CPT1A: variants seen among roughly 807,000 people sequenced by gnomAD.
CPT1A encodes the protein carnitine O-palmitoyltransferase 1, liver isoform.
In CPT1A, 64 loss-of-function variants were observed where a neutral mutation model predicts 100.8. The ratio of observed to expected loss-of-function variants is 0.63; its 90% CI spans 0.52 to 0.78. The LOEUF is 0.78. Ranked by LOEUF, CPT1A falls within the 30% of genes least tolerant of loss-of-function variation. CPT1A has a pLI of 0.00. For synonymous variants in CPT1A, 363 were observed against 396.0 expected, an observed-to-expected ratio of 0.92 and a Z score of 0.99; for missense variants, 802 against 1,034.1, an observed-to-expected ratio of 0.78 and a Z score of 3.08.
At chr11:68,758,347 G>T (rs1946733762) in intron 18 of CPT1A, among the ~76,000 whole-genome samples, 1 of 152,300 alleles carries the variant, frequency 6.6e-6, no homozygotes, top group South Asian at 2.1e-4. Flanking sequence ...CAGCGACAGT[G>T]GCATGGGTTG....
Position 68,785,947 on chromosome 11 carries a change from G to A in CPT1A, c.968-937C>T, listed in dbSNP as rs530608135. On this transcript the variant is annotated intron_variant, in intron 9 of 18. Coordinates refer to ENST00000265641, the MANE Select transcript of CPT1A (RefSeq NM_001876.4). ...AGCTTAAACATCACAGAAATGTGAT[G>A]AAGTACGTTCACTCCACGAATATTT... The A allele has an allele frequency of 3.3e-4, 226 of 694,508 alleles. 3 individuals are homozygous for A. In the South Asian group the frequency reaches 3.3e-3, roughly 10 times the overall value. The allele number at this position is 694,508 out of a possible 1,614,324, so 43.0% of individuals were successfully genotyped here.
chr11:68,766,661 A>G, intron 14 of CPT1A, among the ~76,000 whole-genome samples: 1 of 151,342 alleles, frequency 6.6e-6, no homozygotes, highest in South Asian at 2.1e-4. Flanking sequence ...AATTTTTTGC[A>G]TTTTTTGGTA....
intron 14 of CPT1A, among the ~76,000 whole-genome samples, chr11:68,764,743 C>T (rs1594319611): frequency 2.0e-5 from 3 of 152,208 alleles, no homozygotes; most frequent in Admixed American, 2.0e-4. Flanking sequence ...CAGAAGGAAG[C>T]GTCCAGAACC....
rs775514748 is a variant in CPT1A, at chr11:68,762,713, A to G, written c.1789T>C (p.Phe597Leu). 6.2e-7 allele frequency: 1 copy of G among 1,614,096 alleles called. No individual in the cohort carries two copies. The highest frequency in any genetic ancestry group is 1.7e-5 in the Admixed American group (1 of 60,024). Reference protein sequence around the residue: ...LTYEASMTRLFREGRTETVRS... With the variant: ...LTYEASMTRLLREGRTETVRS... ...ACGGTCTCCGTCCTCCCCTCTCGGAAGAGCCGGGTCATGGAGGCCTCGTAT... is the reference window on the plus strand; with the variant it reads ...ACGGTCTCCGTCCTCCCCTCTCGGAGGAGCCGGGTCATGGAGGCCTCGTAT... Residue 597 changes from phenylalanine (F) to leucine (L), a missense_variant, in exon 15 of 19, where the codon TTC (phenylalanine) becomes CTC (leucine). Physicochemically the swap from Phe to Leu is conservative, Grantham distance 22. Transcript: ENST00000265641.
rs550915708 is a variant in CPT1A, at chr11:68,756,156, C to A, written c.*1488G>T. 2.7e-5 allele frequency: 4 copies of A among 148,780 alleles called. No homozygotes were observed. Among genetic ancestry groups the A allele is most frequent in the Admixed American group, 6.7e-5 (1 of 14,920 alleles). The allele number at this position is 148,780 out of a possible 1,614,324, so 9.2% of individuals were successfully genotyped here. A position where few individuals can be genotyped will look rare whatever the true frequency, so the allele number is the denominator to read the frequency against. Reference sequence around the variant, plus strand: ...AAAGGCACGTGTTCTCCGGCAAGCACCTTCCATCGACTCCAACAGTTCAGC... The same window carrying A: ...AAAGGCACGTGTTCTCCGGCAAGCAACTTCCATCGACTCCAACAGTTCAGC... On this transcript the variant is annotated 3_prime_UTR_variant, in exon 19 of 19. Transcript: ENST00000265641.
chr11:68,834,663 C>T (rs1856964791), intron 1 of CPT1A, among the ~76,000 whole-genome samples: 1 of 152,034 alleles, frequency 6.6e-6, no homozygotes, highest in African/African-American at 2.4e-5. Context: ...ATCACTCGAG[C>T]CCAGGAGTTT....
chr11:68,826,948 G>A (rs527472152), intron 1 of CPT1A, among the ~76,000 whole-genome samples: 3 of 152,210 alleles, frequency 2.0e-5, no homozygotes, highest in East Asian at 1.9e-4. Flanking sequence ...ATGGGCAGAC[G>A]ACAAGCCCAG....
chr11:68,830,790 G>A (rs1019666769), intron 1 of CPT1A, among the ~76,000 whole-genome samples: 1 of 152,148 alleles, frequency 6.6e-6, no homozygotes, highest in African/African-American at 2.4e-5. Context: ...CACTTTAGGG[G>A]GCAGCCCACG....
chr11:68,843,346 A>G (rs1857195443), upstream of CPT1A, among the ~76,000 whole-genome samples: 1 of 151,130 alleles, frequency 6.6e-6, no homozygotes, highest in Non-Finnish European at 1.5e-5. The surrounding 1 kb of genome is among the most constrained non-coding windows in gnomAD (Gnocchi z 4.0). Context: ...CCATTGGACA[A>G]TTAGGGCCTC....
chr11:68,777,637 C>T (rs1488635826), intron 12 of CPT1A, among the ~76,000 whole-genome samples: 1 of 152,192 alleles, frequency 6.6e-6, no homozygotes, highest in Non-Finnish European at 1.5e-5. Flanking sequence ...ACTACTTCTA[C>T]GTGCCCACCC....
At chr11:68,773,120 CG>C (rs2153996757) in intron 14 of CPT1A, 144 bp downstream of exon 14, 2 of 1,472,272 alleles carry the variant, frequency 1.4e-6, no homozygotes, top group South Asian at 2.6e-5. Context: ...CAACGCCACC[CG>C]GCCCCCGGAG....
At chr11:68,833,697 G>A (rs966507378) in intron 1 of CPT1A, among the ~76,000 whole-genome samples, 6 of 151,800 alleles carry the variant, frequency 4.0e-5, no homozygotes, top group Non-Finnish European at 7.4e-5. Context: ...TCCCACCACC[G>A]CACTCCAGCC....
chr11:68,837,476 A>G (rs1318308754), intron 1 of CPT1A, among the ~76,000 whole-genome samples: 5 of 152,146 alleles, frequency 3.3e-5, no homozygotes, highest in African/African-American at 1.2e-4. Flanking sequence ...CACTGCAGAG[A>G]GCTAGCAGCT....
intron 14 of CPT1A, among the ~76,000 whole-genome samples, chr11:68,769,642 T>G (rs935663737): frequency 6.6e-6 from 1 of 152,116 alleles, no homozygotes; most frequent in Non-Finnish European, 1.5e-5. Context: ...TTGCTTTTCT[T>G]TTCAAAAATG....
Position 68,763,356 on chromosome 11 carries a change from T to C in CPT1A, c.1741-595A>G, listed in dbSNP as rs369376854. Among the ~76,000 whole-genome samples the C allele has an allele frequency of 5.3e-5, 8 of 151,732 alleles. No homozygotes were observed. In the East Asian group the frequency reaches 1.2e-3, roughly 22 times the overall value. On this transcript the variant is annotated intron_variant, in intron 14 of 18. Transcript: ENST00000265641. ...CACCTCTGCTGCATTCCCTTCAGGC[T>C]AAGGTGCAGCCTGCAGCAGTGTACA...
intron 13 of CPT1A, chr11:68,773,901 G>A: frequency 4.0e-6 from 1 of 249,926 alleles, no homozygotes; most frequent in Middle Eastern, 1.5e-3. Context: ...TGGACTATGA[G>A]CTTCCTCCAG....
rs1024395377 is a variant in CPT1A at position 68,841,841 on chromosome 11, A to C, written c.-80T>G. The C allele has an allele frequency of 1.2e-5, 12 of 994,586 alleles. No individual in the cohort carries two copies. The African/African-American group carries it at 2.1e-4, about 17-fold the overall frequency. 61.6% of individuals were successfully genotyped at this position (994,586 alleles called of 1,614,324 possible). A position where few individuals can be genotyped will look rare whatever the true frequency, so the allele number is the denominator to read the frequency against. Reference sequence around the variant, plus strand: ...GGCGGCGGCGGCGGCGGTGGAGTGAACGAGCGGCGAGCGGGAGCCGGGGAA... The same window carrying C: ...GGCGGCGGCGGCGGCGGTGGAGTGACCGAGCGGCGAGCGGGAGCCGGGGAA... On this transcript the variant is annotated 5_prime_UTR_variant, in exon 1 of 19. Coordinates refer to ENST00000265641, the MANE Select transcript of CPT1A (RefSeq NM_001876.4). This position sits in a 1 kb window ranked among gnomAD's most constrained non-coding sequence, Gnocchi z 6.3.
chr11:68,799,925 G>A lies in CPT1A; in HGVS notation c.556-570C>T, dbSNP rs970841880. Among the ~76,000 whole-genome samples, 5 of 152,062 alleles carry A rather than the reference G, an allele frequency of 3.3e-5. No homozygotes were observed. The South Asian group carries it at 8.3e-4, about 25-fold the overall frequency. ...AAGTGTCCCAAATCCTGCATCACCA[G>A]AAAATCACCATTAAATTTTTAGAAT... On this transcript the variant is annotated intron_variant, in intron 5 of 18. Coordinates refer to ENST00000265641, the MANE Select transcript of CPT1A (RefSeq NM_001876.4).
In CPT1A at chr11:68,793,336, G is replaced by C. The variant is rs80356796; in HGVS notation, c.946C>G (p.Arg316Gly). ...TCACCTGTCTCCTCTCCTGGGATCC[G>C]GGAAGTATTAAACATCCGCTCCCAC... ...AQWERMFNTS[R>G]IPGEETDTIQ... is the part of the protein sequence containing the mutation. Residue 316 changes from arginine (R) to glycine (G), a missense_variant, in exon 9 of 19, where the codon CGG becomes GGG. Physicochemically the swap from Arg to Gly is moderately radical, Grantham distance 125. Coordinates refer to ENST00000265641, the MANE Select transcript of CPT1A (RefSeq NM_001876.4). 1.2e-6 allele frequency: 2 copies of C among 1,611,232 alleles called. No individual in the cohort carries two copies. Among genetic ancestry groups the C allele is most frequent in the Admixed American group, 3.3e-5 (2 of 59,770 alleles).
Sources: gnomAD v4.1 joint callset for allele counts (sites outside exome capture counted in the v4.1 genomes callset) on GRCh38, gnomAD v4.1.1 for gene constraint, Gnocchi (gnomAD v3.1) non-coding constraint, MANE v1.5 for transcripts, NCBI Gene and HGNC (gene_info 2026-07-23, HGNC 2026-07-21) for gene names.